The following CTNNA2 variants were observed in gnomAD, a reference collection of about 807,000 sequenced individuals.
CTNNA2 encodes catenin alpha-2.
Under a neutral mutation model 101.0 loss-of-function variants are expected in CTNNA2, and 42 were observed. That is an observed-to-expected ratio of 0.42 (90% confidence interval 0.32 to 0.54). CTNNA2 has a LOEUF of 0.54. Among genes scored for constraint, CTNNA2 ranks in the 20% least tolerant of loss-of-function variants. The pLI, the probability that CTNNA2 is intolerant of heterozygous loss-of-function variation, is 0.14. For synonymous variants in CTNNA2, 450 were observed against 456.4 expected (o/e 0.99, Z 0.18); for missense variants, 871 against 1,223.1 (o/e 0.71, Z 4.29).
intron 7 of CTNNA2, among the ~76,000 whole-genome samples, chr2:80,370,030 G>A (rs556709584): frequency 3.0e-4 from 46 of 152,198 alleles, no homozygotes; most frequent in African/African-American, 1.1e-3. Context: ...AAACTAATTT[G>A]GCAACACAGA....
At chr2:79,715,225 A>C (rs1012577872) in intron 2 of CTNNA2, among the ~76,000 whole-genome samples, 1 of 144,914 alleles carries the variant, frequency 6.9e-6, no homozygotes, top group Non-Finnish European at 1.5e-5. Context: ...AAAAAAAAAA[A>C]AAAACCCACA....
intron 1 of CTNNA2, among the ~76,000 whole-genome samples, chr2:79,607,934 A>G (rs146246072): frequency 3.7e-4 from 56 of 152,210 alleles, no homozygotes; most frequent in African/African-American, 1.3e-3. Flanking sequence ...AGTTAGGTAG[A>G]AAAGAAAAAC....
chr2:80,418,721 G>A (rs1680251694), intron 8 of CTNNA2, among the ~76,000 whole-genome samples: 1 of 152,080 alleles, frequency 6.6e-6, no homozygotes, highest in Admixed American at 6.6e-5. Context: ...TATACATTCA[G>A]ATAATTATGA....
chr2:80,149,843 A>G (rs10496239), intron 7 of CTNNA2, among the ~76,000 whole-genome samples: 18,294 of 151,856 alleles, frequency 0.12, 2,688 homozygotes, highest in African/African-American at 0.35. Flanking sequence ...AAAGTTTATT[A>G]GACAATGACC....
intron 2 of CTNNA2, among the ~76,000 whole-genome samples, chr2:79,678,855 C>G (rs1683369343): frequency 6.6e-6 from 1 of 152,188 alleles, no homozygotes; most frequent in African/African-American, 2.4e-5. Context: ...AAAATACTCA[C>G]TTGCTTCTCT....
At chr2:79,679,408 C>G (rs1039521565) in intron 2 of CTNNA2, among the ~76,000 whole-genome samples, 1 of 152,122 alleles carries the variant, frequency 6.6e-6, no homozygotes, top group Non-Finnish European at 1.5e-5. Flanking sequence ...CTCTTAGCCT[C>G]ACCATGTCCC....
At chr2:79,997,738 C>A (rs1442992614) in intron 7 of CTNNA2, among the ~76,000 whole-genome samples, 2 of 152,206 alleles carry the variant, frequency 1.3e-5, no homozygotes, top group Non-Finnish European at 2.9e-5. Context: ...CTCTCCTCTT[C>A]TGTGCTTATA....
Position 80,589,913 on chromosome 2 carries a change from C to CGT in CTNNA2, c.2189+429_2189+430insTG, listed in dbSNP as rs748761178. On this transcript the variant is annotated intron_variant, in intron 15 of 18. Transcript: ENST00000402739. ...GTGTGTGTGTGTGTGTGTGCGCGCGCGCGCATGTATACATATAGTATGTTG... is the reference window on the plus strand; with the variant it reads ...GTGTGTGTGTGTGTGTGTGCGCGCGCGTGCGCATGTATACATATAGTATGTTG... Among the ~76,000 whole-genome samples the CGT allele has an allele frequency of 3.9e-3, 589 of 150,470 alleles. 2 individuals are homozygous for CGT. Among genetic ancestry groups the CGT allele is most frequent in the Middle Eastern group, 0.01 (3 of 292 alleles).
At chr2:79,983,111 T>C (rs1014888150) in intron 7 of CTNNA2, among the ~76,000 whole-genome samples, 1 of 150,338 alleles carries the variant, frequency 6.7e-6, no homozygotes, top group Non-Finnish European at 1.5e-5. Context: ...CAAGGTCCAG[T>C]CAACAGTTTT....
chr2:79,520,437 G>A (rs912817770), intron 1 of CTNNA2, among the ~76,000 whole-genome samples: 20 of 152,166 alleles, frequency 1.3e-4, no homozygotes, highest in African/African-American at 4.8e-4. Context: ...AATCTGTGAT[G>A]TTGGATTAGG....
At position 79,464,830 on chromosome 2, in the gene CTNNA2, T is replaced by C. The variant is rs545875347; in HGVS notation, c.-134-40224T>C. On this transcript the variant is annotated intron_variant, in intron 4 of 21. Coordinates refer to the CTNNA2 transcript ENST00000466387. Reference sequence around the variant, plus strand: ...TCCTTTGCCCACTTTTTGATGAAGTTGTTTTTTTTTTCTTGCAAGTTTGTT... The same window carrying C: ...TCCTTTGCCCACTTTTTGATGAAGTCGTTTTTTTTTTCTTGCAAGTTTGTT... Among the ~76,000 whole-genome samples the C allele has an allele frequency of 7.9e-5, 12 of 152,270 alleles. No individual in the cohort carries two copies. In the East Asian group the frequency reaches 1.5e-3, roughly 20 times the overall value.
At chr2:79,737,951 A>G (rs1671016186) in intron 2 of CTNNA2, among the ~76,000 whole-genome samples, 2 of 152,238 alleles carry the variant, frequency 1.3e-5, no homozygotes, top group South Asian at 4.1e-4. Flanking sequence ...TGCAGCCTAA[A>G]AGTGGAGTAC....
intron 9 of CTNNA2, among the ~76,000 whole-genome samples, chr2:80,426,427 G>A (rs1188416518): frequency 1.3e-5 from 2 of 152,084 alleles, no homozygotes; most frequent in Admixed American, 6.6e-5. Flanking sequence ...CAGTCAACCT[G>A]CCTGCTTTCC....
At chr2:80,325,117 A>C (rs1006245294) in intron 7 of CTNNA2, among the ~76,000 whole-genome samples, 3 of 152,188 alleles carry the variant, frequency 2.0e-5, no homozygotes, top group Non-Finnish European at 2.9e-5. Flanking sequence ...ATGTTCATTA[A>C]ATATATGTCA....
intron 11 of CTNNA2, among the ~76,000 whole-genome samples, chr2:80,550,324 G>T (rs1001486582): frequency 6.6e-6 from 1 of 152,148 alleles, no homozygotes; most frequent in Non-Finnish European, 1.5e-5. Context: ...TGGTAGGGGG[G>T]GTTTCCTTGA....
intron 1 of CTNNA2, among the ~76,000 whole-genome samples, chr2:79,532,125 G>A (rs940682638): frequency 1.3e-5 from 2 of 152,112 alleles, no homozygotes; most frequent in African/African-American, 4.8e-5. Context: ...ATTATGGTAT[G>A]CTTGAAGATG....
intron 7 of CTNNA2, among the ~76,000 whole-genome samples, chr2:79,963,789 G>A (rs950328260): frequency 6.6e-6 from 1 of 152,154 alleles, no homozygotes; most frequent in African/African-American, 2.4e-5. Context: ...ACCTTAGCTG[G>A]TAGAAATGAC....
chr2:80,412,490 G>A (rs1173994669), intron 8 of CTNNA2, among the ~76,000 whole-genome samples: 1 of 152,198 alleles, frequency 6.6e-6, no homozygotes, highest in Non-Finnish European at 1.5e-5. Flanking sequence ...CCAAAGAAAT[G>A]AATTGAAATG....
At chr2:79,766,784 C>T (rs1173380861) in intron 3 of CTNNA2, among the ~76,000 whole-genome samples, 1 of 150,806 alleles carries the variant, frequency 6.6e-6, no homozygotes, top group Non-Finnish European at 1.5e-5. Context: ...AACACAGAGT[C>T]TTGCTTTGTC....
Sources: allele counts gnomAD v4.1 joint callset (sites outside exome capture counted in the v4.1 genomes callset), GRCh38; gene constraint gnomAD v4.1.1; transcripts MANE v1.5; gene names NCBI Gene and HGNC (gene_info 2026-07-23, HGNC 2026-07-21).